BEGAIN: variants seen among roughly 807,000 people sequenced by gnomAD.
BEGAIN encodes brain-enriched guanylate kinase-associated protein.
BEGAIN carries 19 observed loss-of-function variants against 35.8 expected under a neutral mutation model. The observed-to-expected ratio is 0.53, with a 90% CI of 0.37 to 0.78. BEGAIN has a LOEUF of 0.78. BEGAIN is among the 30% of genes least tolerant of loss of function. BEGAIN has a pLI of 0.00. For missense variants in BEGAIN, 795 were observed against 853.6 expected (o/e 0.93, Z 0.85); for synonymous variants, 462 against 388.6 (o/e 1.19, Z -2.22).
rs1259540125 is a variant in BEGAIN, at chr14:100,586,998, C to T, written c.42+251G>A. On this transcript the variant is annotated intron_variant, in intron 1 of 6. Coordinates refer to ENST00000554140, the MANE Select transcript of BEGAIN (RefSeq NM_001385089.1). The surrounding 1 kb of genome is among the most constrained non-coding windows in gnomAD (Gnocchi z 4.9). ...GGGCGCAAGGACCCCGCGATAGGAC[C>T]CGGGCGCTCCCGGCGGCGCGCGGAG... is the stretch of plus-strand genomic sequence containing the variant. 6.6e-6 allele frequency among the ~76,000 whole-genome samples: 1 copy of T among 151,876 alleles called. No homozygotes were observed. Among genetic ancestry groups the T allele is most frequent in the Admixed American group, 6.5e-5 (1 of 15,272 alleles).
At chr14:100,580,567 A>G (rs1449072641) in intron 1 of BEGAIN, among the ~76,000 whole-genome samples, 1 of 151,688 alleles carries the variant, frequency 6.6e-6, no homozygotes, top group African/African-American at 2.4e-5. Flanking sequence ...CCTCCTTCCC[A>G]TCATCTAATT....
At chr14:100,556,391 C>T (rs1390014303) in intron 2 of BEGAIN, among the ~76,000 whole-genome samples, 1 of 152,222 alleles carries the variant, frequency 6.6e-6, no homozygotes, top group Non-Finnish European at 1.5e-5. Context: ...TACACCATGT[C>T]CTGGGGAGCC....
rs760976959 is a variant in BEGAIN, at chr14:100,538,430, G to C, written c.1378C>G (p.Pro460Ala). Reference sequence around the variant, plus strand: ...TAGTAGCGTTCAGAGAAGCTGCAGGGTGAGGCGCGGCCGGCAGCGCTCACG... The same window carrying C: ...TAGTAGCGTTCAGAGAAGCTGCAGGCTGAGGCGCGGCCGGCAGCGCTCACG... ...YPVSAAGRAS[P>A]CSFSERYYGG... The change falls in exon 7 of 7, where the codon CCC becomes GCC. Residue 460 changes from proline to alanine, a missense_variant. Around this residue, in one of 3 missense-constraint regions of BEGAIN, gnomAD observed 664 missense variants for 647.7 expected, o/e 1.03. Coordinates refer to ENST00000554140, the MANE Select transcript of BEGAIN (RefSeq NM_001385089.1). The C allele has an allele frequency of 6.3e-7, 1 of 1,587,696 alleles. No homozygotes were observed. The highest frequency in any genetic ancestry group is 1.4e-5 in the African/African-American group (1 of 73,518).
chr14:100,554,298 C>T (rs1430096400), intron 2 of BEGAIN, among the ~76,000 whole-genome samples: 1 of 152,174 alleles, frequency 6.6e-6, no homozygotes, highest in Non-Finnish European at 1.5e-5. Context: ...CACTGTTGCA[C>T]AGTCAGCCGA....
chr14:100,562,584 C>T (rs1005827018), intron 2 of BEGAIN, among the ~76,000 whole-genome samples: 2 of 151,598 alleles, frequency 1.3e-5, no homozygotes, highest in African/African-American at 4.9e-5. Context: ...ATCAGCAGAC[C>T]CCGTCGCTCG....
At chr14:100,583,001 C>T (rs1198495875) in intron 1 of BEGAIN, among the ~76,000 whole-genome samples, 3 of 150,732 alleles carry the variant, frequency 2.0e-5, no homozygotes, top group Admixed American at 6.6e-5. Context: ...TTCAACCAAC[C>T]GTCCTTCACC....
chr14:100,560,272 G>A (rs1231488500), intron 2 of BEGAIN, among the ~76,000 whole-genome samples: 1 of 152,156 alleles, frequency 6.6e-6, no homozygotes, highest in Admixed American at 6.5e-5. Context: ...CGGCCCTACC[G>A]CACTCTGAGC....
chr14:100,546,128 A>G (rs1337795392), intron 3 of BEGAIN: 1 of 173,056 alleles, frequency 5.8e-6, no homozygotes, highest in African/African-American at 2.4e-5. Flanking sequence ...TTTTCCCATC[A>G]GGACCCAGGG....
intron 5 of BEGAIN, among the ~76,000 whole-genome samples, chr14:100,541,778 C>A (rs1293543730): frequency 6.6e-6 from 1 of 152,232 alleles, no homozygotes; most frequent in Non-Finnish European, 1.5e-5. Context: ...AGCCCCTGGG[C>A]TGTCCATGTC....
At chr14:100,571,845 G>A (rs961271381) in intron 1 of BEGAIN, among the ~76,000 whole-genome samples, 1 of 152,160 alleles carries the variant, frequency 6.6e-6, no homozygotes, top group Non-Finnish European at 1.5e-5. Context: ...CTGGTTCCTT[G>A]CACCTGGAAT....
In BEGAIN at chr14:100,552,551, C is replaced by T. The variant is rs571006124; in HGVS notation, c.72-5889G>A. On this transcript the variant is annotated intron_variant, in intron 2 of 6. Transcript: ENST00000554140. ...CCCTCCCCTTTCTTGGACTCCCCTT[C>T]GAAGGAAAGGTGGGCAGGGGCATGT... Among the ~76,000 whole-genome samples the T allele has an allele frequency of 3.4e-4, 52 of 152,344 alleles. No homozygotes were observed. The South Asian group carries it at 9.7e-3, about 29-fold the overall frequency.
intron 1 of BEGAIN, among the ~76,000 whole-genome samples, chr14:100,579,837 A>T (rs1440474316): frequency 6.6e-6 from 1 of 152,078 alleles, no homozygotes; most frequent in East Asian, 1.9e-4. Flanking sequence ...CAGGCCCTGG[A>T]GATTCAGCCT....
Position 100,546,571 on chromosome 14 carries a change from G to T in BEGAIN, c.163C>A (p.Arg55Ser). 6.3e-7 allele frequency: 1 copy of T among 1,590,688 alleles called. No individual in the cohort carries two copies. ...EKLETEFDST[R>S]HYLEIELRRA... Reference sequence around the variant, plus strand: ...CGCAGCTCGATCTCCAGGTAGTGGCGCGTGGAGTCGAACTCGGTCTCGAGC... The same window carrying T: ...CGCAGCTCGATCTCCAGGTAGTGGCTCGTGGAGTCGAACTCGGTCTCGAGC... The change falls in exon 3 of 7, where the codon CGC becomes AGC. Residue 55 changes from arginine to serine, a missense_variant. Transcript: ENST00000554140.
intron 1 of BEGAIN, among the ~76,000 whole-genome samples, chr14:100,570,601 G>A (rs980324019): frequency 1.3e-5 from 2 of 152,208 alleles, no homozygotes; most frequent in Admixed American, 6.5e-5. Context: ...CCAGCACCTG[G>A]CAGGGGCGGG....
intron 1 of BEGAIN, among the ~76,000 whole-genome samples, chr14:100,584,881 A>C (rs1201300785): frequency 6.6e-6 from 1 of 152,094 alleles, no homozygotes; most frequent in Admixed American, 6.5e-5. Flanking sequence ...ATTCTAGACC[A>C]ACACGGCGAG....
chr14:100,560,755 G>A (rs1232584135), intron 2 of BEGAIN, among the ~76,000 whole-genome samples: 1 of 152,190 alleles, frequency 6.6e-6, no homozygotes, highest in Non-Finnish European at 1.5e-5. Flanking sequence ...CAGAAGACCT[G>A]GTCCCAGGCC....
rs2140416397 is a variant in BEGAIN, at chr14:100,537,899, G to A, written c.*70C>T. On this transcript the variant is annotated 3_prime_UTR_variant, in exon 7 of 7. Coordinates refer to ENST00000554140, the MANE Select transcript of BEGAIN (RefSeq NM_001385089.1). The stretch of plus-strand genomic sequence containing the variant: ...GGGGAACAGCGGGGGCTGGGGAGAG[G>A]TGAGGCCGGCCCTTCTGGGGCACGT... The A allele has an allele frequency of 1.3e-6, 2 of 1,515,064 alleles. No individual in the cohort carries two copies. Among genetic ancestry groups the A allele is most frequent in the South Asian group, 1.3e-5 (1 of 78,102 alleles). The allele number at this position is 1,515,064 out of a possible 1,614,324, so 93.9% of individuals were successfully genotyped here.
rs1230934370 is a variant in BEGAIN, at chr14:100,546,778, G to GCACACA, written c.72-117_72-116insTGTGTG. 104 of 542,206 alleles carry GCACACA rather than the reference G, an allele frequency of 1.9e-4. 1 individual carries two copies. The African/African-American group carries it at 2.6e-3, about 13-fold the overall frequency. The allele number at this position is 542,206 out of a possible 1,614,324, so 33.6% of individuals were successfully genotyped here. A position where few individuals can be genotyped will look rare whatever the true frequency, so the allele number is the denominator to read the frequency against. On this transcript the variant is annotated intron_variant, in intron 2 of 6. Coordinates refer to ENST00000554140, the MANE Select transcript of BEGAIN (RefSeq NM_001385089.1). ...CGCGAGTACCGGCGCGCGCGCGCGC[G>GCACACA]CGCACACACACACACACACACACAC...
chr14:100,537,822 G>T lies in BEGAIN; in HGVS notation c.*147C>A. On this transcript the variant is annotated 3_prime_UTR_variant, in exon 7 of 7. Coordinates refer to ENST00000554140, the MANE Select transcript of BEGAIN (RefSeq NM_001385089.1). ...CCCTCCCCTCAGGCCTACAGGGCTG[G>T]GGAGGAGAGGAGGTGCGGGGAGGAA... 8.0e-7 allele frequency: 1 copy of T among 1,256,256 alleles called. No individual in the cohort carries two copies. Among genetic ancestry groups the T allele is most frequent in the Non-Finnish European group, 1.1e-6 (1 of 944,672 alleles). 77.8% of individuals were successfully genotyped at this position (1,256,256 alleles called of 1,614,324 possible).
Sources: allele counts gnomAD v4.1 joint callset (sites outside exome capture counted in the v4.1 genomes callset), GRCh38; gene constraint gnomAD v4.1.1; regional missense constraint gnomAD v4.1.1; non-coding constraint Gnocchi (gnomAD v3.1); transcripts MANE v1.5; gene names NCBI Gene and HGNC (gene_info 2026-07-23, HGNC 2026-07-21).